BTBD7: variants seen among roughly 807,000 people sequenced by gnomAD.
BTBD7 encodes BTB/POZ domain-containing protein 7.
Under a neutral mutation model 99.9 loss-of-function variants are expected in BTBD7, and 38 were observed. The observed-to-expected ratio is 0.38, with a 90% confidence interval of 0.29 to 0.50. The LOEUF is 0.50. Among genes scored for constraint, BTBD7 ranks in the 20% least tolerant of loss-of-function variants. The pLI, the probability that BTBD7 is intolerant of heterozygous loss-of-function variation, is 0.93. For missense variants in BTBD7, 1,170 were observed against 1,394.6 expected (o/e 0.84, Z 2.57); for synonymous variants, 520 against 511.4 (o/e 1.02, Z -0.23).
Position 93,313,679 on chromosome 14 carries a change from TACACACACACACACAC to T in BTBD7, c.-106-17538_-106-17523del, listed in dbSNP as rs57711099. The stretch of plus-strand genomic sequence containing the variant: ...TTTTTGACTTATCCTAAAATGAAAC[TACACACACACACACAC>T]ACACACACACACACACACACAATCA... On this transcript the variant is annotated intron_variant, in intron 1 of 10. Transcript: ENST00000334746. Among the ~76,000 whole-genome samples, 532 of 145,520 alleles carry T rather than the reference TACACACACACACACAC, an allele frequency of 3.7e-3. 13 individuals are homozygous for T. The South Asian group carries it at 0.053, about 15-fold the overall frequency.
Position 93,283,098 on chromosome 14 carries a change from G to T in BTBD7, c.1162+10760C>A, listed in dbSNP as rs559618897. Among the ~76,000 whole-genome samples the T allele has an allele frequency of 2.1e-4, 32 of 152,270 alleles. No homozygotes were observed. In the South Asian group the frequency reaches 6.0e-3, roughly 29 times the overall value. On this transcript the variant is annotated intron_variant, in intron 3 of 10. Transcript: ENST00000334746. Reference sequence around the variant, plus strand: ...TTGCTGTTGCTGTTGTTTGTTTTGAGACATGGTCTGGCTCTGTCGCCCAGG... The same window carrying T: ...TTGCTGTTGCTGTTGTTTGTTTTGATACATGGTCTGGCTCTGTCGCCCAGG...
chr14:93,284,331 C>G (rs181497902), intron 3 of BTBD7, among the ~76,000 whole-genome samples: 2 of 151,914 alleles, frequency 1.3e-5, no homozygotes, highest in African/African-American at 4.8e-5. Flanking sequence ...CCATTTAGAC[C>G]CCATGTAAAC....
intron 1 of BTBD7, among the ~76,000 whole-genome samples, chr14:93,331,269 A>G (rs1197673077): frequency 6.6e-6 from 1 of 152,186 alleles, no homozygotes; most frequent in African/African-American, 2.4e-5. Flanking sequence ...CAGTGTAGTA[A>G]CAATGAGCTC....
chr14:93,246,551 A>G (rs900412709), intron 9 of BTBD7, among the ~76,000 whole-genome samples: 1 of 152,270 alleles, frequency 6.6e-6, no homozygotes, highest in African/African-American at 2.4e-5. Flanking sequence ...ATCTCAGATT[A>G]TGTGATAATG....
rs549593184 is a variant in BTBD7, at chr14:93,270,829, C to T, written c.1163-6836G>A. On this transcript the variant is annotated intron_variant, in intron 3 of 10. Transcript: ENST00000334746. ...GACTTTCAGTGATGCTCTTGGGAGG[C>T]TGGCAGGTAGTACAAAGTCAACTTC... 2.4e-3 allele frequency among the ~76,000 whole-genome samples: 370 copies of T among 152,288 alleles called. 1 individual carries two copies. The highest frequency in any genetic ancestry group is 8.6e-3 in the African/African-American group (356 of 41,570).
intron 3 of BTBD7, among the ~76,000 whole-genome samples, chr14:93,277,865 G>C (rs772413798): frequency 2.6e-5 from 4 of 152,142 alleles, no homozygotes; most frequent in Non-Finnish European, 4.4e-5. Flanking sequence ...AACAGAAACA[G>C]TGACAACCCA....
chr14:93,293,756 A>G (rs1266512177), intron 3 of BTBD7, 102 bp downstream of exon 3: 132 of 1,436,004 alleles, frequency 9.2e-5, no homozygotes, highest in Non-Finnish European at 1.1e-4. Flanking sequence ...TGACCCTGTA[A>G]CATCCCAAAC....
At chr14:93,308,259 C>T (rs1341374129) in intron 1 of BTBD7, among the ~76,000 whole-genome samples, 2 of 148,872 alleles carry the variant, frequency 1.3e-5, no homozygotes. Flanking sequence ...TGCACTCCAG[C>T]CTAGGCGACA....
intron 8 of BTBD7, among the ~76,000 whole-genome samples, chr14:93,250,691 GACT>G (rs1487310489): frequency 6.6e-6 from 1 of 152,086 alleles, no homozygotes; most frequent in African/African-American, 2.4e-5. Flanking sequence ...GCTTTTTTTA[GACT>G]ACTTTGGTTA....
intron 1 of BTBD7, among the ~76,000 whole-genome samples, chr14:93,314,908 A>G (rs1053860040): frequency 6.6e-6 from 1 of 152,012 alleles, no homozygotes; most frequent in Non-Finnish European, 1.5e-5. Flanking sequence ...TTCTTTGCCC[A>G]TTTTTCTATT....
At chr14:93,323,949 C>A (rs929732369) in intron 1 of BTBD7, among the ~76,000 whole-genome samples, 1 of 152,272 alleles carries the variant, frequency 6.6e-6, no homozygotes, top group Non-Finnish European at 1.5e-5. Context: ...GTGCGACATC[C>A]CGTACACTTT....
Position 93,289,851 on chromosome 14 carries a change from CT to C in BTBD7, c.1162+4006del, listed in dbSNP as rs34820136. 7.9e-3 allele frequency among the ~76,000 whole-genome samples: 782 copies of C among 98,414 alleles called. 6 individuals are homozygous for C. Among genetic ancestry groups the C allele is most frequent in the East Asian group, 0.041 (132 of 3,194 alleles). The allele number at this position is 98,414 out of a possible 152,430, so 64.6% of individuals were successfully genotyped here. A position where few individuals can be genotyped will look rare whatever the true frequency, so the allele number is the denominator to read the frequency against. ...AGGCCAAGAATCTCAACTCTCTGGG[CT>C]TTTTTTTTTTTTTTTTTTTTGGAGA... is the stretch of plus-strand genomic sequence containing the variant. On this transcript the variant is annotated intron_variant, in intron 3 of 10. Transcript: ENST00000334746.
rs761715181 is a variant in BTBD7 at position 93,242,508 on chromosome 14, C to G, written c.3164G>C (p.Arg1055Thr). ...ENASTGPAHV[R>T]GRTAVETDLT... ...GTCAGTTTCTACTGCAGTTCGTCCC[C>G]TGACATGGGCTGGACCGGTACTAGC... The change falls in exon 11 of 11, where the codon AGG becomes ACG. Residue 1055 changes from arginine (R) to threonine (T), a missense_variant. Around this residue, in one of 4 missense-constraint regions of BTBD7, gnomAD observed 495 missense variants for 525.9 expected, o/e 0.94. Transcript: ENST00000334746. The G allele has an allele frequency of 2.4e-5, 39 of 1,614,232 alleles. No individual in the cohort carries two copies. Among genetic ancestry groups the G allele is most frequent in the Non-Finnish European group, 3.1e-5 (37 of 1,180,044 alleles).
intron 1 of BTBD7, among the ~76,000 whole-genome samples, chr14:93,331,637 T>TC (rs556825508): frequency 9.3e-4 from 142 of 152,270 alleles, no homozygotes; most frequent in Non-Finnish European, 1.6e-3. Flanking sequence ...TCCCAGTAGT[T>TC]CGGAAGGACG....
chr14:93,242,802 G>C lies in BTBD7; in HGVS notation c.2870C>G (p.Thr957Ser), dbSNP rs1478616660. The change falls in exon 11 of 11, where the codon ACT (threonine) becomes AGT (serine). Residue 957 changes from threonine to serine, a missense_variant. By Grantham distance (58) the Thr-to-Ser change is moderately conservative (BLOSUM62 1). Transcript: ENST00000334746. Reference protein sequence around the residue: ...DFSNAACRPSTPALSRRTPSP... With the variant: ...DFSNAACRPSSPALSRRTPSP... The stretch of plus-strand genomic sequence containing the variant: ...AGGGGTGCGTCTGCTGAGAGCAGGA[G>C]TAGAAGGTCTGCAAGCAGCATTTGA... 6.2e-7 allele frequency: 1 copy of C among 1,614,220 alleles called. No individual in the cohort carries two copies. The highest frequency in any genetic ancestry group is 1.1e-5 in the South Asian group (1 of 91,088).
At chr14:93,273,602 T>C (rs145996580) in intron 3 of BTBD7, among the ~76,000 whole-genome samples, 123 of 152,322 alleles carry the variant, frequency 8.1e-4, no homozygotes, top group Middle Eastern at 3.4e-3. Flanking sequence ...TAGCTGAGAA[T>C]ATTAAACCCC....
chr14:93,245,161 CAAAA>C lies in BTBD7; in HGVS notation c.2583+660_2583+663del, dbSNP rs11365837. Among the ~76,000 whole-genome samples, 659 of 130,066 alleles carry C rather than the reference CAAAA, an allele frequency of 5.1e-3. 2 individuals carry two copies. The highest frequency in any genetic ancestry group is 0.031 in the Middle Eastern group (8 of 258). The allele number at this position is 130,066 out of a possible 152,430, so 85.3% of individuals were successfully genotyped here. A position where few individuals can be genotyped will look rare whatever the true frequency, so the allele number is the denominator to read the frequency against. Reference sequence around the variant, plus strand: ...ACAGGTGTGAGTCATGGCACCTGGCCAAAAAAAAAAAAAAAACTTTTTAAAGTAT... The same window carrying C: ...ACAGGTGTGAGTCATGGCACCTGGCCAAAAAAAAAAAACTTTTTAAAGTAT... On this transcript the variant is annotated intron_variant, in intron 10 of 10. Coordinates refer to ENST00000334746, the MANE Select transcript of BTBD7 (RefSeq NM_001002860.4).
At chr14:93,279,728 A>ACAAAAATACAAAATAATTTT (rs1178197198) in intron 3 of BTBD7, among the ~76,000 whole-genome samples, 12 of 152,100 alleles carry the variant, frequency 7.9e-5, no homozygotes, top group African/African-American at 2.9e-4. Context: ...TTGTATTTTT[A>ACAAAAATACAAAATAATTTT]GTAGAGACAA....
At chr14:93,245,330 G>A (rs2139674716) in intron 10 of BTBD7, among the ~76,000 whole-genome samples, 1 of 152,214 alleles carries the variant, frequency 6.6e-6, no homozygotes, top group South Asian at 2.1e-4. Context: ...CATGCCTGAG[G>A]CCCTGAGGCC....
Sources: gnomAD v4.1 joint callset for allele counts (sites outside exome capture counted in the v4.1 genomes callset) on GRCh38, gnomAD v4.1.1 for gene constraint, gnomAD v4.1.1 regional missense constraint, MANE v1.5 for transcripts, NCBI Gene and HGNC (gene_info 2026-07-23, HGNC 2026-07-21) for gene names.